Variants in CACNG3 observed in about 807,000 individuals in gnomAD.
CACNG3 encodes calcium voltage-gated channel auxiliary subunit gamma 3.
In CACNG3, 3 loss-of-function variants were observed where a neutral mutation model predicts 28.5. That is an observed-to-expected ratio of 0.11 (90% CI 0.05 to 0.27). CACNG3 has a LOEUF of 0.27. Among genes scored for constraint, CACNG3 ranks in the 10% least tolerant of loss-of-function variants. The pLI, the probability that CACNG3 is intolerant of heterozygous loss-of-function variation, is 1.00. For missense variants in CACNG3, 236 were observed against 414.4 expected, an observed-to-expected ratio of 0.57 and a Z score of 3.74; for synonymous variants, 174 against 162.2, an observed-to-expected ratio of 1.07 and a Z score of -0.55.
intron 1 of CACNG3, among the ~76,000 whole-genome samples, chr16:24,315,736 A>G (rs1899343343): frequency 6.6e-6 from 1 of 150,920 alleles, no homozygotes; most frequent in Admixed American, 6.6e-5. Flanking sequence ...GCTCACTGTA[A>G]CTTTCACCTC....
intron 1 of CACNG3, among the ~76,000 whole-genome samples, chr16:24,259,113 T>C (rs1237850117): frequency 6.6e-6 from 1 of 152,196 alleles, no homozygotes; most frequent in Non-Finnish European, 1.5e-5. Context: ...CTTGGGCAGG[T>C]GAATTCTATT....
intron 2 of CACNG3, among the ~76,000 whole-genome samples, chr16:24,354,616 C>T (rs1000556299): frequency 2.0e-4 from 30 of 152,208 alleles, no homozygotes; most frequent in African/African-American, 7.2e-4. Context: ...ATTATAAAAT[C>T]GTTAAGACTC....
At chr16:24,282,389 G>A (rs1367595229) in intron 1 of CACNG3, among the ~76,000 whole-genome samples, 1 of 150,762 alleles carries the variant, frequency 6.6e-6, no homozygotes, top group Non-Finnish European at 1.5e-5. Context: ...CCACTTGTGC[G>A]GCTTCTTCAT....
chr16:24,351,566 A>G (rs1263588562), intron 2 of CACNG3, among the ~76,000 whole-genome samples: 1 of 137,364 alleles, frequency 7.3e-6, no homozygotes, highest in Non-Finnish European at 1.6e-5. Flanking sequence ...GCGAGACTCC[A>G]TCAAAAAAGG....
intron 1 of CACNG3, among the ~76,000 whole-genome samples, chr16:24,276,211 C>T (rs922624196): frequency 5.3e-5 from 8 of 152,132 alleles, no homozygotes; most frequent in Non-Finnish European, 1.2e-4. Flanking sequence ...AAAAACAATT[C>T]TTCTCACTAT....
At chr16:24,324,844 C>T (rs1331182975) in intron 1 of CACNG3, among the ~76,000 whole-genome samples, 1 of 152,176 alleles carries the variant, frequency 6.6e-6, no homozygotes, top group Non-Finnish European at 1.5e-5. Context: ...CTTCCCTCTG[C>T]CTGCACTGCT....
intron 3 of CACNG3, among the ~76,000 whole-genome samples, chr16:24,360,731 A>G (rs557329908): frequency 2.6e-5 from 4 of 152,292 alleles, no homozygotes; most frequent in Admixed American, 2.6e-4. Flanking sequence ...CTTCCCAAGC[A>G]TCCAAGTTAG....
chr16:24,343,899 C>T (rs1264980873), intron 1 of CACNG3, among the ~76,000 whole-genome samples: 2 of 151,888 alleles, frequency 1.3e-5, no homozygotes, highest in African/African-American at 4.8e-5. Flanking sequence ...ACCATCCTGG[C>T]TAACACAGTG....
At chr16:24,322,360 G>A (rs1899475039) in intron 1 of CACNG3, among the ~76,000 whole-genome samples, 1 of 152,064 alleles carries the variant, frequency 6.6e-6, no homozygotes, top group Non-Finnish European at 1.5e-5. Flanking sequence ...GCCACCCTTG[G>A]GGACCTGCCA....
At position 24,361,706 on chromosome 16, in the gene CACNG3, T is replaced by C; in HGVS notation, c.791T>C (p.Met264Thr). 6.2e-7 allele frequency: 1 copy of C among 1,613,480 alleles called. No individual in the cohort carries two copies. Among genetic ancestry groups the C allele is most frequent in the Non-Finnish European group, 8.5e-7 (1 of 1,179,922 alleles). Residue 264 changes from methionine to threonine, a missense_variant, in exon 4 of 4, where the codon ATG becomes ACG. Transcript: ENST00000005284. The surrounding 1 kb of genome is among the most constrained non-coding windows in gnomAD (Gnocchi z 6.8). Reference protein sequence around the residue: ...FHTIPSTDISMFTLSRDPSKI... With the variant: ...FHTIPSTDISTFTLSRDPSKI... ...ACCATCCCTTCCACTGACATCTCGA[T>C]GTTCACCCTCTCCCGGGACCCCTCA...
At chr16:24,265,367 GAAA>G (rs1555458123) in intron 1 of CACNG3, among the ~76,000 whole-genome samples, 15 of 133,782 alleles carry the variant, frequency 1.1e-4, no homozygotes, top group African/African-American at 4.2e-4. Flanking sequence ...AAGAAAGAAA[GAAA>G]AAAGAAAGAA....
rs1388991386 is a variant in CACNG3, at chr16:24,343,969, A to AAG, written c.212-2765_212-2764insAG. On this transcript the variant is annotated intron_variant, in intron 1 of 3. Transcript: ENST00000005284. ...CCAGGCATGGTGGCAGGCGCCTTTA[A>AAG]TCCCAGCTACTCAGGCGGCTGAGGC... Among the ~76,000 whole-genome samples the AAG allele has an allele frequency of 2.6e-5, 4 of 151,750 alleles. No individual in the cohort carries two copies. In the East Asian group the frequency reaches 7.8e-4, roughly 30 times the overall value.
intron 1 of CACNG3, among the ~76,000 whole-genome samples, chr16:24,315,057 T>C (rs1899330250): frequency 6.6e-6 from 1 of 152,156 alleles, no homozygotes; most frequent in Non-Finnish European, 1.5e-5. Flanking sequence ...GACTTGGTTC[T>C]AGCAGGGAAC....
At chr16:24,327,126 C>CAAAAAAAAAAAAAAAAA (rs57918697) in intron 1 of CACNG3, among the ~76,000 whole-genome samples, 1 of 35,818 alleles carries the variant, frequency 2.8e-5, no homozygotes, top group Non-Finnish European at 4.4e-5. Context: ...GGCTCCAAAC[C>CAAAAAAAAAAAAAAAAA]AAAAAAAAAA....
intron 1 of CACNG3, among the ~76,000 whole-genome samples, chr16:24,275,009 G>A (rs1028695086): frequency 2.0e-5 from 3 of 152,116 alleles, no homozygotes; most frequent in Non-Finnish European, 4.4e-5. Context: ...TAGGATAAGA[G>A]GGGGACTTCC....
chr16:24,272,135 A>C (rs1898698975), intron 1 of CACNG3, among the ~76,000 whole-genome samples: 1 of 152,112 alleles, frequency 6.6e-6, no homozygotes, highest in African/African-American at 2.4e-5. Context: ...AAAAAAAAGA[A>C]AGAAATCCTG....
At chr16:24,341,212 A>T (rs780102286) in intron 1 of CACNG3, among the ~76,000 whole-genome samples, 1 of 152,262 alleles carries the variant, frequency 6.6e-6, no homozygotes, top group African/African-American at 2.4e-5. Context: ...CAAAAATGCT[A>T]AATAGTGGTT....
chr16:24,302,586 T>C (rs560389490), intron 1 of CACNG3, among the ~76,000 whole-genome samples: 1 of 152,172 alleles, frequency 6.6e-6, no homozygotes, highest in Admixed American at 6.5e-5. Flanking sequence ...CCTAGAATAA[T>C]GGAGACCACA....
rs190282921 is a variant in CACNG3, at chr16:24,327,543, T to A, written c.212-19191T>A. Among the ~76,000 whole-genome samples, 346 of 145,006 alleles carry A rather than the reference T, an allele frequency of 2.4e-3. 16 individuals are homozygous for A. The highest frequency in any genetic ancestry group is 3.9e-4 in the Non-Finnish European group (26 of 66,634). On this transcript the variant is annotated intron_variant, in intron 1 of 3. Coordinates refer to ENST00000005284, the MANE Select transcript of CACNG3 (RefSeq NM_006539.4). The stretch of plus-strand genomic sequence containing the variant: ...CTGAGGTTGGGGGGATCGTTTGAGC[T>A]CAGGAGTTAAAGGATGCAGTGAGCT...
Sources: gnomAD v4.1 joint callset for allele counts (sites outside exome capture counted in the v4.1 genomes callset) on GRCh38, gnomAD v4.1.1 for gene constraint, Gnocchi (gnomAD v3.1) non-coding constraint, MANE v1.5 for transcripts, NCBI Gene and HGNC (gene_info 2026-07-23, HGNC 2026-07-21) for gene names.